The following CD99L2 variants were observed in gnomAD, a reference collection of about 807,000 sequenced individuals.
CD99L2 encodes the protein CD99 antigen-like protein 2.
A neutral mutation model predicts 27.3 loss-of-function variants in CD99L2; 24 were observed. The observed-to-expected ratio is 0.88, with a 90% CI of 0.64 to 1.24. The LOEUF is 1.24. Ranked by LOEUF, CD99L2 falls within the 50% of genes most tolerant of loss-of-function variation. CD99L2 has a pLI of 0.00. For synonymous variants in CD99L2, 97 were observed against 87.9 expected, an observed-to-expected ratio of 1.10 and a Z score of -0.58; for missense variants, 255 against 221.6, an observed-to-expected ratio of 1.15 and a Z score of -0.96.
chrX:150,879,750 T>TTAAAAAAAAAAA (rs1557422434), intron 1 of CD99L2, among the ~76,000 whole-genome samples: 2 of 19,388 alleles, frequency 1.0e-4, no homozygotes, highest in Non-Finnish European at 8.6e-5. Context: ...CTACAAAAAC[T>TTAAAAAAAAAAA]AAAAAAAAAA....
At chrX:150,776,945 C>G (rs782807036) in intron 8 of CD99L2, 1 of 138,558 alleles carries the variant, frequency 7.2e-6, no homozygotes, top group Non-Finnish European at 1.4e-5. Flanking sequence ...GGTGGGACAA[C>G]TCAAAGCAGG....
chrX:150,888,543 T>A (rs1212608657), intron 1 of CD99L2, among the ~76,000 whole-genome samples: 1 of 111,853 alleles, frequency 8.9e-6, no homozygotes, highest in Non-Finnish European at 1.9e-5. Context: ...ATGATGATGA[T>A]CACACAAAAA....
intron 7 of CD99L2, among the ~76,000 whole-genome samples, chrX:150,778,792 G>T (rs942096379): frequency 9.5e-6 from 1 of 105,528 alleles, no homozygotes. Context: ...AGTGTATAAA[G>T]ATCCCTGATT....
chrX:150,801,026 C>T (rs781948654), intron 4 of CD99L2, among the ~76,000 whole-genome samples: 3 of 107,776 alleles, frequency 2.8e-5, no homozygotes, highest in Admixed American at 9.9e-5. Context: ...AGTGAAACTT[C>T]GTCTCAAAAA....
chrX:150,836,541 G>A (rs1216166258), intron 1 of CD99L2, among the ~76,000 whole-genome samples: 1 of 110,551 alleles, frequency 9.0e-6, no homozygotes. Context: ...TGGTCAGGCT[G>A]GTCTCGAACT....
chrX:150,889,252 T>C (rs1227151454), intron 1 of CD99L2, among the ~76,000 whole-genome samples: 1 of 112,861 alleles, frequency 8.9e-6, no homozygotes, highest in East Asian at 2.8e-4. Context: ...GCCTGCCATC[T>C]GCCCTTCAGA....
intron 1 of CD99L2, among the ~76,000 whole-genome samples, chrX:150,867,873 A>G (rs1197543562): frequency 1.3e-5 from 1 of 77,162 alleles, no homozygotes; most frequent in African/African-American, 5.2e-5. Context: ...AGCCTGGGCG[A>G]CAGAGTGAGA....
chrX:150,779,809 T>C (rs782250194), intron 7 of CD99L2, among the ~76,000 whole-genome samples: 5 of 112,297 alleles, frequency 4.5e-5, no homozygotes, highest in African/African-American at 1.6e-4. Flanking sequence ...AAAAAATGAC[T>C]TTCTAAATAT....
At chrX:150,817,088 C>T (rs1557420529) in intron 2 of CD99L2, among the ~76,000 whole-genome samples, 1 of 96,422 alleles carries the variant, frequency 1.0e-5, no homozygotes, top group African/African-American at 3.7e-5. Flanking sequence ...AGGAGATATA[C>T]CTAATGCTAA....
chrX:150,860,132 G>T (rs1334493048), intron 1 of CD99L2, among the ~76,000 whole-genome samples: 1 of 111,685 alleles, frequency 9.0e-6, no homozygotes, highest in Non-Finnish European at 1.9e-5. Context: ...AATACACCAC[G>T]ATCAAGTGGA....
At chrX:150,824,545 AAGG>A (rs1557420838) in intron 2 of CD99L2, among the ~76,000 whole-genome samples, 2 of 89,390 alleles carry the variant, frequency 2.2e-5, no homozygotes, top group Non-Finnish European at 4.4e-5. Context: ...AAGAAGGAAG[AAGG>A]AAGAAGAAGA....
At chrX:150,846,260 ACACTGCTGGTGT>A (rs2046701480) in intron 1 of CD99L2, among the ~76,000 whole-genome samples, 1 of 112,323 alleles carries the variant, frequency 8.9e-6, no homozygotes, top group African/African-American at 3.2e-5. Flanking sequence ...GTCAAAGGTG[ACACTGCTGGTGT>A]CACACACACA....
chrX:150,835,283 T>C (rs1026711996), intron 1 of CD99L2, among the ~76,000 whole-genome samples: 10 of 112,589 alleles, frequency 8.9e-5, no homozygotes, highest in African/African-American at 2.6e-4. Flanking sequence ...AATGGATATG[T>C]TAATTAGCTT....
chrX:150,806,910 G>A (rs781932863), intron 4 of CD99L2, among the ~76,000 whole-genome samples: 1 of 110,683 alleles, frequency 9.0e-6, no homozygotes, highest in South Asian at 3.9e-4. Flanking sequence ...AAATGACACC[G>A]GATAAGAACA....
intron 7 of CD99L2, among the ~76,000 whole-genome samples, chrX:150,792,874 G>A (rs1557419753): frequency 8.9e-6 from 1 of 112,235 alleles, no homozygotes; most frequent in Admixed American, 9.5e-5. Flanking sequence ...TGTATACTAT[G>A]ATAAAAGGTT....
At position 150,768,736 on chromosome X, in the gene CD99L2, G is replaced by A. The variant is rs2043354160; in HGVS notation, c.*298C>T. ...AGCATCATCTTGGCCCCCGCATCCT[G>A]TGCTCAGTAAAGCTGGAGGCAGGCT... On this transcript the variant is annotated 3_prime_UTR_variant, in exon 11 of 11. Transcript: ENST00000370377. The A allele has an allele frequency of 2.8e-6, 1 of 361,172 alleles. No individual in the cohort carries two copies. The allele number at this position is 361,172 out of a possible 1,213,427, so 29.8% of individuals were successfully genotyped here.
At chrX:150,862,862 GAGAA>G (rs1229930239) in intron 1 of CD99L2, among the ~76,000 whole-genome samples, 1 of 102,675 alleles carries the variant, frequency 9.7e-6, no homozygotes, top group East Asian at 2.9e-4. Flanking sequence ...GAGACAGAGA[GAGAA>G]AGAAAGAAAG....
intron 9 of CD99L2, among the ~76,000 whole-genome samples, chrX:150,772,258 C>G (rs1268305867): frequency 8.9e-6 from 1 of 112,795 alleles, no homozygotes; most frequent in African/African-American, 3.2e-5. Context: ...CTCCTGATCA[C>G]GGAGGGGGCA....
chrX:150,798,410 T>C (rs2045849130), intron 4 of CD99L2, among the ~76,000 whole-genome samples: 1 of 110,126 alleles, frequency 9.1e-6, no homozygotes, highest in Non-Finnish European at 1.9e-5. Flanking sequence ...TTCTCAACAG[T>C]ATGTCAAGAC....
Sources: allele counts gnomAD v4.1 joint callset (sites outside exome capture counted in the v4.1 genomes callset), GRCh38; gene constraint gnomAD v4.1.1; transcripts MANE v1.5; gene names NCBI Gene and HGNC (gene_info 2026-07-23, HGNC 2026-07-21).